The following LIN9 variants were observed in gnomAD, a reference collection of about 807,000 sequenced individuals.
The protein encoded by LIN9 is protein lin-9 homolog.
Under a neutral mutation model 78.0 loss-of-function variants are expected in LIN9, and 18 were observed. The ratio of observed to expected loss-of-function variants is 0.23; its 90% confidence interval spans 0.16 to 0.34. LIN9 has a LOEUF of 0.34. Among genes scored for constraint, LIN9 ranks in the 10% least tolerant of loss-of-function variants. LIN9 has a pLI of 1.00. For missense variants in LIN9, 451 were observed against 644.1 expected, an observed-to-expected ratio of 0.70 and a Z score of 3.25; for synonymous variants, 192 against 215.2, an observed-to-expected ratio of 0.89 and a Z score of 0.94.
intron 7 of LIN9, among the ~76,000 whole-genome samples, chr1:226,270,334 T>C (rs12133895): frequency 1.3e-5 from 2 of 151,968 alleles, no homozygotes; most frequent in African/African-American, 4.8e-5. Flanking sequence ...AGTATTTGCA[T>C]AGCCAAGTTA....
chr1:226,299,887 A>G (rs1662406804), intron 2 of LIN9, among the ~76,000 whole-genome samples: 1 of 150,902 alleles, frequency 6.6e-6, no homozygotes, highest in Non-Finnish European at 1.5e-5. Flanking sequence ...TTATTCTTTT[A>G]TTTTTATTTC....
At chr1:226,282,086 T>C (rs1001355512) in intron 6 of LIN9, among the ~76,000 whole-genome samples, 2 of 152,224 alleles carry the variant, frequency 1.3e-5, no homozygotes, top group Non-Finnish European at 2.9e-5. Context: ...AGCTACAGTA[T>C]GCACTGTTGT....
chr1:226,262,340 A>G (rs949310501), intron 10 of LIN9, among the ~76,000 whole-genome samples: 1 of 152,216 alleles, frequency 6.6e-6, no homozygotes, highest in Non-Finnish European at 1.5e-5. Flanking sequence ...GAATGAAAAG[A>G]CAAGCCACAG....
chr1:226,238,873 A>G (rs1439402318), intron 12 of LIN9, 98 bp downstream of exon 12: 2 of 1,213,048 alleles, frequency 1.6e-6, no homozygotes, highest in Non-Finnish European at 2.3e-6. Context: ...AAAGGACTTT[A>G]TGAAGATATT....
Position 226,265,854 on chromosome 1 carries a change from T to C in LIN9, c.937-220A>G, listed in dbSNP as rs2102909087. Among the ~76,000 whole-genome samples the C allele has an allele frequency of 6.6e-6, 1 of 152,210 alleles. No individual in the cohort carries two copies. Among genetic ancestry groups the C allele is most frequent in the South Asian group, 2.1e-4 (1 of 4,812 alleles). ...CCACCACGCCCAGCTAATTTTTGTA[T>C]TTTTAGCAGAGACGGCGTTTCACCA... On this transcript the variant is annotated intron_variant, in intron 9 of 14. Coordinates refer to ENST00000681046, the MANE Select transcript of LIN9 (RefSeq NM_001366245.2). The surrounding 1 kb of genome is among the most constrained non-coding windows in gnomAD (Gnocchi z 4.1).
At chr1:226,239,983 A>T (rs951153709) in intron 11 of LIN9, among the ~76,000 whole-genome samples, 1 of 152,218 alleles carries the variant, frequency 6.6e-6, no homozygotes, top group African/African-American at 2.4e-5. Flanking sequence ...TCCTTCTAGT[A>T]AGTATAGGTA....
rs1659746085 is a variant in LIN9, at chr1:226,263,794, G to A, written c.1038+1739C>T. ...GATAACTAACAATATATCATTGGCTGGGCATGGTGACTCAAGCCTGTAATC... is the reference window on the plus strand; with the variant it reads ...GATAACTAACAATATATCATTGGCTAGGCATGGTGACTCAAGCCTGTAATC... On this transcript the variant is annotated intron_variant, in intron 10 of 14. Coordinates refer to ENST00000681046, the MANE Select transcript of LIN9 (RefSeq NM_001366245.2). Among the ~76,000 whole-genome samples, 3 of 152,174 alleles carry A rather than the reference G, an allele frequency of 2.0e-5. No homozygotes were observed. In the South Asian group the frequency reaches 6.2e-4, roughly 32 times the overall value.
intron 12 of LIN9, among the ~76,000 whole-genome samples, chr1:226,237,231 A>C (rs1464371552): frequency 6.6e-6 from 1 of 152,210 alleles, no homozygotes; most frequent in Non-Finnish European, 1.5e-5. Flanking sequence ...CATAGTCTGC[A>C]TGTCTTGTGA....
At position 226,232,025 on chromosome 1, in the gene LIN9, G is replaced by A. The variant is rs1657370241; in HGVS notation, c.*476C>T. The A allele has an allele frequency of 2.5e-6, 1 of 398,054 alleles. No homozygotes were observed. Among genetic ancestry groups the A allele is most frequent in the East Asian group, 3.6e-5 (1 of 28,018 alleles). The allele number at this position is 398,054 out of a possible 1,614,324, so 24.7% of individuals were successfully genotyped here. On this transcript the variant is annotated 3_prime_UTR_variant, in exon 15 of 15. Coordinates refer to ENST00000681046, the MANE Select transcript of LIN9 (RefSeq NM_001366245.2). ...ACTAGGACTTCCCACACCTCATGAT[G>A]TTATCTTTTGAAGACTGAGATGGTG...
chr1:226,242,706 T>TA (rs1199534974), intron 11 of LIN9, among the ~76,000 whole-genome samples: 2 of 152,104 alleles, frequency 1.3e-5, no homozygotes, highest in East Asian at 3.8e-4. Context: ...TTTCAAAAGT[T>TA]ACAGCAGTGT....
intron 5 of LIN9, among the ~76,000 whole-genome samples, chr1:226,287,216 T>G (rs1343458671): frequency 6.6e-6 from 1 of 152,222 alleles, no homozygotes; most frequent in East Asian, 1.9e-4. Context: ...ACGTCATACT[T>G]AAGCATATGT....
chr1:226,300,401 A>G (rs1245313935), intron 2 of LIN9, among the ~76,000 whole-genome samples: 2 of 151,994 alleles, frequency 1.3e-5, no homozygotes, highest in African/African-American at 4.8e-5. Context: ...AAATAAAGAA[A>G]TTAGCTGGGC....
intron 6 of LIN9, among the ~76,000 whole-genome samples, chr1:226,285,854 T>C (rs1203196108): frequency 1.3e-5 from 2 of 152,310 alleles, no homozygotes; most frequent in East Asian, 3.9e-4. Flanking sequence ...TAGGACATTC[T>C]TAAATATTTT....
intron 10 of LIN9, among the ~76,000 whole-genome samples, chr1:226,264,312 G>A (rs1659780921): frequency 6.6e-6 from 1 of 152,070 alleles, no homozygotes; most frequent in South Asian, 2.1e-4. Flanking sequence ...GGGAGGTAGA[G>A]GCTACAGTGA....
upstream of LIN9, chr1:226,309,249 C>CGCGCT (rs1317280840): frequency 4.6e-6 from 6 of 1,310,110 alleles, no homozygotes; most frequent in Admixed American, 2.8e-5. Flanking sequence ...CCCGCGGCGC[C>CGCGCT]GCGCTGCGCT....
chr1:226,233,408 C>A lies in LIN9; in HGVS notation c.1361G>T (p.Cys454Phe). Residue 454 changes from cysteine (C) to phenylalanine (F), a missense_variant, in exon 13 of 15, where the codon TGC becomes TTC. Coordinates refer to ENST00000681046, the MANE Select transcript of LIN9 (RefSeq NM_001366245.2). ...GTCTGTCAGATTTTCATTTTCAACG[C>A]AGGGCTGTCCTGTTGAGGAATTTGC... ...RHANSSTGQP[C>F]VENENLTDLI... 6.2e-7 allele frequency: 1 copy of A among 1,614,094 alleles called. No homozygotes were observed. The highest frequency in any genetic ancestry group is 8.5e-7 in the Non-Finnish European group (1 of 1,180,014).
chr1:226,237,952 CAA>C (rs33927134), intron 12 of LIN9, among the ~76,000 whole-genome samples: 473 of 133,490 alleles, frequency 3.5e-3, no homozygotes, highest in East Asian at 0.011. Context: ...GACTCTGTCT[CAA>C]AAAAAAAAAA....
Position 226,297,757 on chromosome 1 carries a change from CA to C in LIN9, c.120del (p.Val41PhefsTer32). ...NEKYSSLQKTPVWKGRNTSSA... is the reference protein window; with the variant it reads ...NEKYSSLQKTXVWKGRNTSSA... ...GAGCTTGTATTCCTGCCTTTCCAAACAGGTGTTTTCTGTAAAGAACTGTACT... is the reference window on the plus strand; with the variant it reads ...GAGCTTGTATTCCTGCCTTTCCAAACGGTGTTTTCTGTAAAGAACTGTACT... On this transcript the variant is annotated frameshift_variant, in exon 3 of 15. Coordinates refer to ENST00000681046, the MANE Select transcript of LIN9 (RefSeq NM_001366245.2). LOFTEE classifies it high-confidence loss of function. 6.3e-7 allele frequency: 1 copy of C among 1,592,234 alleles called. No individual in the cohort carries two copies. The highest frequency in any genetic ancestry group is 8.5e-7 in the Non-Finnish European group (1 of 1,171,572).
intron 3 of LIN9, among the ~76,000 whole-genome samples, chr1:226,296,344 A>T (rs528213464): frequency 6.6e-6 from 1 of 152,158 alleles, no homozygotes; most frequent in Non-Finnish European, 1.5e-5. Flanking sequence ...GGCTGGGCCA[A>T]AGGTTCTAAA....
Sources: allele counts gnomAD v4.1 joint callset (sites outside exome capture counted in the v4.1 genomes callset), GRCh38; gene constraint gnomAD v4.1.1; non-coding constraint Gnocchi (gnomAD v3.1); transcripts MANE v1.5; gene names NCBI Gene and HGNC (gene_info 2026-07-23, HGNC 2026-07-21).